Variants in CACNA1E observed in about 807,000 individuals in gnomAD.
CACNA1E encodes calcium voltage-gated channel subunit alpha1 E.
A neutral mutation model predicts 259.2 loss-of-function variants in CACNA1E; 40 were observed. That is an observed-to-expected ratio of 0.15 (90% CI 0.12 to 0.20). The LOEUF is 0.20. Ranked by LOEUF, CACNA1E falls within the 10% of genes least tolerant of loss-of-function variation. The probability of loss-of-function intolerance (pLI) is 1.00; values close to 1 mark genes in which losing one functional copy is unlikely to be tolerated. For synonymous variants in CACNA1E, 1,104 were observed against 1,138.5 expected, an observed-to-expected ratio of 0.97 and a Z score of 0.61; for missense variants, 1,874 against 3,040.1, an observed-to-expected ratio of 0.62 and a Z score of 9.02.
intron 25 of CACNA1E, chr1:181,745,271 G>A (rs987130248): frequency 1.5e-5 from 6 of 411,296 alleles, no homozygotes; most frequent in African/African-American, 8.4e-5. Context: ...GGAACTGCCT[G>A]TAGAATATTC....
chr1:181,342,026 T>G (rs1459583272), intron 1 of CACNA1E, among the ~76,000 whole-genome samples: 1 of 151,920 alleles, frequency 6.6e-6, no homozygotes, highest in East Asian at 1.9e-4. Context: ...AGAGGGAGAT[T>G]TGGGAGTGTC....
At chr1:181,783,889 C>CACA (rs1220839842) in intron 40 of CACNA1E, 105 bp downstream of exon 40, 4 of 720,736 alleles carry the variant, frequency 5.5e-6, no homozygotes, top group African/African-American at 3.5e-5. Flanking sequence ...CAGTTAAGGA[C>CACA]ACAATAATGC....
At chr1:181,367,957 A>C (rs1011330325) in intron 1 of CACNA1E, among the ~76,000 whole-genome samples, 1 of 152,206 alleles carries the variant, frequency 6.6e-6, no homozygotes, top group Non-Finnish European at 1.5e-5. Context: ...TTGGCCAGGC[A>C]TGGTAGCTTG....
chr1:181,792,629 A>C (rs1280778375), intron 44 of CACNA1E, among the ~76,000 whole-genome samples: 1 of 152,162 alleles, frequency 6.6e-6, no homozygotes, highest in African/African-American at 2.4e-5. Context: ...CCAAATGGTC[A>C]CATAGGCTAA....
At chr1:181,575,558 G>A (rs1650885219) in intron 3 of CACNA1E, among the ~76,000 whole-genome samples, 1 of 151,710 alleles carries the variant, frequency 6.6e-6, no homozygotes, top group Admixed American at 6.6e-5. Context: ...AGCCTTCTTT[G>A]CCTTTTAATT....
intron 2 of CACNA1E, among the ~76,000 whole-genome samples, chr1:181,415,106 A>G (rs1453179454): frequency 6.6e-6 from 1 of 152,128 alleles, no homozygotes; most frequent in Non-Finnish European, 1.5e-5. Context: ...TAGAAGTACT[A>G]TTTTTTAATG....
intron 18 of CACNA1E, among the ~76,000 whole-genome samples, chr1:181,727,511 C>T (rs1361777628): frequency 1.3e-5 from 2 of 152,200 alleles, no homozygotes; most frequent in South Asian, 2.1e-4. Flanking sequence ...TTGAAGTGGA[C>T]TAGGGAGAGA....
At chr1:181,753,722 CTT>C (rs1399044334) in intron 27 of CACNA1E, among the ~76,000 whole-genome samples, 1 of 152,212 alleles carries the variant, frequency 6.6e-6, no homozygotes, top group South Asian at 2.1e-4. Flanking sequence ...CTCTGATACT[CTT>C]TGCCCACGCC....
chr1:181,383,911 G>A (rs546697796), intron 1 of CACNA1E, among the ~76,000 whole-genome samples: 1 of 152,332 alleles, frequency 6.6e-6, no homozygotes, highest in Admixed American at 6.5e-5. Context: ...GCATGCCAGA[G>A]ATCTGGCAGA....
intron 6 of CACNA1E, among the ~76,000 whole-genome samples, chr1:181,601,793 C>T (rs1335139647): frequency 6.6e-6 from 1 of 152,154 alleles, no homozygotes; most frequent in Non-Finnish European, 1.5e-5. Flanking sequence ...TGCACAGAAC[C>T]CTCCAGTAGC....
intron 11 of CACNA1E, among the ~76,000 whole-genome samples, chr1:181,717,532 G>A (rs779479139): frequency 5.9e-5 from 9 of 152,156 alleles, no homozygotes; most frequent in Admixed American, 2.6e-4. Flanking sequence ...ATAGCATAAC[G>A]TTATACCTTT....
intron 2 of CACNA1E, among the ~76,000 whole-genome samples, chr1:181,456,066 A>C (rs1296182808): frequency 1.3e-5 from 2 of 152,124 alleles, no homozygotes; most frequent in East Asian, 1.9e-4. Context: ...CAGGAATGGG[A>C]AGGGAGAACT....
chr1:181,760,312 A>C (rs539799804), intron 32 of CACNA1E, among the ~76,000 whole-genome samples: 5 of 152,312 alleles, frequency 3.3e-5, no homozygotes, highest in African/African-American at 1.2e-4. Context: ...TGTAAAAGGT[A>C]CCACTAATTC....
chr1:181,324,568 T>C (rs571580471), intron 1 of CACNA1E, among the ~76,000 whole-genome samples: 1 of 152,344 alleles, frequency 6.6e-6, no homozygotes, highest in South Asian at 2.1e-4. Flanking sequence ...TTTCAGTACC[T>C]AGCATAGTAC....
rs1377545180 is a variant in CACNA1E, at chr1:181,752,257, T to C, written c.3828+18T>C. 1 of 1,573,216 alleles carries C rather than the reference T, an allele frequency of 6.4e-7. No homozygotes were observed. Among genetic ancestry groups the C allele is most frequent in the Non-Finnish European group, 8.8e-7 (1 of 1,142,712 alleles). ...AGCTCAAGGTAGTGTTTACAGAGTT[T>C]GTTCCCATCAAATCCCCTTCTCCCA... On this transcript the variant is annotated intron_variant, in intron 27 of 47. Coordinates refer to ENST00000367573, the MANE Select transcript of CACNA1E (RefSeq NM_001205293.3).
intron 6 of CACNA1E, among the ~76,000 whole-genome samples, chr1:181,648,034 C>A (rs1210103305): frequency 1.3e-5 from 2 of 152,330 alleles, no homozygotes; most frequent in East Asian, 3.9e-4. Context: ...CTGGTGTCTT[C>A]CCAGCTATGC....
At chr1:181,625,309 ACGT>A (rs748864213) in intron 6 of CACNA1E, among the ~76,000 whole-genome samples, 4 of 152,128 alleles carry the variant, frequency 2.6e-5, no homozygotes, top group Admixed American at 2.0e-4. Context: ...TTGAAGCCAA[ACGT>A]CGTCTTCTCT....
At chr1:181,750,566 A>AG (rs1657505696) in intron 26 of CACNA1E, 79 bp downstream of exon 26, 1 of 1,350,754 alleles carries the variant, frequency 7.4e-7, no homozygotes. Context: ...TTGGGAGGGG[A>AG]GGGGCTCACG....
At chr1:181,475,601 T>C (rs1305567238) in intron 2 of CACNA1E, among the ~76,000 whole-genome samples, 2 of 152,184 alleles carry the variant, frequency 1.3e-5, no homozygotes. Context: ...CCTCATACTA[T>C]GGTACGTGAG....
Sources: gnomAD v4.1 joint callset for allele counts (sites outside exome capture counted in the v4.1 genomes callset) on GRCh38, gnomAD v4.1.1 for gene constraint, MANE v1.5 for transcripts, NCBI Gene and HGNC (gene_info 2026-07-23, HGNC 2026-07-21) for gene names.